EYA1: variants seen among roughly 807,000 people sequenced by gnomAD.
EYA1 encodes EYA transcriptional coactivator and phosphatase 1, also known as protein phosphatase EYA1.
A neutral mutation model predicts 82.0 loss-of-function variants in EYA1; 16 were observed. The observed-to-expected ratio is 0.20, with a 90% CI of 0.13 to 0.30. The LOEUF (loss-of-function observed/expected upper bound fraction) is 0.30, where lower values mean the gene tolerates loss of function less well. Among genes scored for constraint, EYA1 ranks in the 10% least tolerant of loss-of-function variants. The pLI, the probability that EYA1 is intolerant of heterozygous loss-of-function variation, is 1.00. For synonymous variants in EYA1, 261 were observed against 264.4 expected (o/e 0.99, Z 0.12); for missense variants, 633 against 730.7 (o/e 0.87, Z 1.54).
intron 2 of EYA1, among the ~76,000 whole-genome samples, chr8:71,507,473 C>T (rs1812276997): frequency 1.3e-5 from 2 of 152,170 alleles, no homozygotes; most frequent in South Asian, 4.1e-4. Flanking sequence ...TCGCTGGTGA[C>T]ATGTAAACAC....
intron 2 of EYA1, among the ~76,000 whole-genome samples, chr8:71,480,651 A>G (rs1291248893): frequency 1.3e-5 from 2 of 152,210 alleles, no homozygotes; most frequent in Non-Finnish European, 2.9e-5. Flanking sequence ...CTAATTTCTC[A>G]GCACTATGGA....
intron 2 of EYA1, among the ~76,000 whole-genome samples, chr8:71,463,575 TTCTCTCTCTCTCTCTCTCTCTCTCTCTC>T (rs776367934): frequency 2.4e-4 from 10 of 41,192 alleles, no homozygotes; most frequent in South Asian, 1.3e-3. Flanking sequence ...AATACATGCT[TTCTCTCTCTCTCTCTCTCTCTCTCTCTC>T]TCTCTCTCTC....
chr8:71,474,338 A>T (rs1809483175), intron 2 of EYA1, among the ~76,000 whole-genome samples: 1 of 152,164 alleles, frequency 6.6e-6, no homozygotes, highest in African/African-American at 2.4e-5. Context: ...TGAGCACACA[A>T]CCCTGAAGAG....
intron 16 of EYA1, among the ~76,000 whole-genome samples, chr8:71,213,355 G>A: frequency 6.6e-6 from 1 of 152,068 alleles, no homozygotes; most frequent in East Asian, 1.9e-4. Context: ...TGTACTATGG[G>A]CTGCTTCGGC....
chr8:71,499,804 A>G (rs1310009653), intron 2 of EYA1, among the ~76,000 whole-genome samples: 1 of 152,136 alleles, frequency 6.6e-6, no homozygotes, highest in African/African-American at 2.4e-5. Flanking sequence ...GAACCTTGGG[A>G]TTTACACTGT....
chr8:71,370,627 C>T (rs891603384), intron 2 of EYA1, among the ~76,000 whole-genome samples: 3 of 151,656 alleles, frequency 2.0e-5, no homozygotes, highest in South Asian at 2.1e-4. Flanking sequence ...TAATTAATTA[C>T]TTAGTTAATT....
chr8:71,344,177 T>C (rs1384539448), intron 3 of EYA1, among the ~76,000 whole-genome samples: 1 of 152,186 alleles, frequency 6.6e-6, no homozygotes, highest in Non-Finnish European at 1.5e-5. Flanking sequence ...AAATCTTAAA[T>C]GTGCCATTCG....
At chr8:71,545,244 T>C (rs1315207506) in intron 1 of EYA1, among the ~76,000 whole-genome samples, 2 of 152,238 alleles carry the variant, frequency 1.3e-5, no homozygotes, top group African/African-American at 4.8e-5. Context: ...ACCCTACACA[T>C]AGTACATGCT....
intron 9 of EYA1, among the ~76,000 whole-genome samples, chr8:71,298,108 T>G (rs1017576538): frequency 2.0e-5 from 3 of 152,154 alleles, no homozygotes; most frequent in Admixed American, 6.5e-5. Flanking sequence ...AAAAATTAAA[T>G]TAGCATTTAT....
At chr8:71,364,381 T>C (rs990807264), upstream of EYA1, among the ~76,000 whole-genome samples, 10 of 151,984 alleles carry the variant, frequency 6.6e-5, no homozygotes, top group African/African-American at 2.4e-4. Flanking sequence ...AAACCAAAAG[T>C]AAGTTACCCT....
At chr8:71,362,101 C>G (rs1402993226), upstream of EYA1, 5 of 984,998 alleles carry the variant, frequency 5.1e-6, no homozygotes, top group Non-Finnish European at 6.0e-6. Flanking sequence ...AGAATCTCAT[C>G]CCTCGATTTG....
intron 2 of EYA1, among the ~76,000 whole-genome samples, chr8:71,456,688 G>T (rs1269973857): frequency 6.6e-6 from 1 of 152,132 alleles, no homozygotes; most frequent in Non-Finnish European, 1.5e-5. Flanking sequence ...AAATGGTGCT[G>T]GGAAAACTGG....
At chr8:71,537,075 G>T (rs957291941) in intron 1 of EYA1, among the ~76,000 whole-genome samples, 2 of 152,108 alleles carry the variant, frequency 1.3e-5, no homozygotes, top group Non-Finnish European at 2.9e-5. Flanking sequence ...AAGTAATTTT[G>T]AAGTCTTAGG....
At chr8:71,374,146 T>C (rs1203621285) in intron 2 of EYA1, among the ~76,000 whole-genome samples, 1 of 152,070 alleles carries the variant, frequency 6.6e-6, no homozygotes, top group Non-Finnish European at 1.5e-5. Flanking sequence ...GGGACTACAT[T>C]AAACTAAAGG....
At chr8:71,230,765 G>T (rs1811103107) in intron 12 of EYA1, among the ~76,000 whole-genome samples, 1 of 152,166 alleles carries the variant, frequency 6.6e-6, no homozygotes, top group Non-Finnish European at 1.5e-5. Flanking sequence ...GCTCCAAATG[G>T]CCACAGTTGC....
chr8:71,385,993 A>T (rs1828948586), intron 2 of EYA1, among the ~76,000 whole-genome samples: 1 of 152,174 alleles, frequency 6.6e-6, no homozygotes, highest in Admixed American at 6.5e-5. Context: ...TGCACCACTT[A>T]GGTAGCTGTA....
intron 2 of EYA1, among the ~76,000 whole-genome samples, chr8:71,521,053 G>C (rs1460091571): frequency 6.6e-6 from 1 of 151,358 alleles, no homozygotes; most frequent in African/African-American, 2.4e-5. Context: ...TCCTACACTT[G>C]GGTCACCTCT....
rs34340467 is a variant in EYA1, at chr8:71,494,022, C to CAAAAAAAAAAAAA, written c.33+41709_33+41721dup. Among the ~76,000 whole-genome samples the CAAAAAAAAAAAAA allele has an allele frequency of 2.6e-3, 108 of 41,856 alleles. 3 individuals carry two copies. The highest frequency in any genetic ancestry group is 4.8e-3 in the African/African-American group (71 of 14,860). 27.5% of individuals were successfully genotyped at this position (41,856 alleles called of 152,430 possible). On this transcript the variant is annotated intron_variant, in intron 2 of 18. Transcript: ENST00000643681. Reference sequence around the variant, plus strand: ...TGGGCGACAGAGCGAGACTCCGTCTCAAAAAAAAAAAAAAAAAAAAAAAGA... The same window carrying CAAAAAAAAAAAAA: ...TGGGCGACAGAGCGAGACTCCGTCTCAAAAAAAAAAAAAAAAAAAAAAAAAAAAAAAAAAAAGA...
intron 2 of EYA1, among the ~76,000 whole-genome samples, chr8:71,417,052 G>A (rs1830891469): frequency 6.6e-6 from 1 of 152,154 alleles, no homozygotes; most frequent in Admixed American, 6.5e-5. Flanking sequence ...GACTGGCTTA[G>A]CTTCCAAGCC....
Sources: allele counts gnomAD v4.1 joint callset (sites outside exome capture counted in the v4.1 genomes callset), GRCh38; gene constraint gnomAD v4.1.1; transcripts MANE v1.5; gene names NCBI Gene and HGNC (gene_info 2026-07-23, HGNC 2026-07-21).